EPHA7: variants seen among roughly 807,000 people sequenced by gnomAD.
The protein encoded by EPHA7 is EPH receptor A7, also known as ephrin type-A receptor 7.
A neutral mutation model predicts 112.6 loss-of-function variants in EPHA7; 25 were observed. The ratio of observed to expected loss-of-function variants is 0.22; its 90% confidence interval spans 0.16 to 0.31. EPHA7 has a LOEUF of 0.31. Among genes scored for constraint, EPHA7 ranks in the 10% least tolerant of loss-of-function variants. EPHA7 has a pLI of 1.00. For synonymous variants in EPHA7, 437 were observed against 406.5 expected (o/e 1.07, Z -0.90); for missense variants, 962 against 1,212.6 (o/e 0.79, Z 3.07).
At chr6:93,307,622 C>T (rs1447262608) in intron 5 of EPHA7, among the ~76,000 whole-genome samples, 1 of 152,080 alleles carries the variant, frequency 6.6e-6, no homozygotes, top group Non-Finnish European at 1.5e-5. Context: ...CTTAGGCTGA[C>T]TAATACAGAT....
intron 5 of EPHA7, among the ~76,000 whole-genome samples, chr6:93,291,793 T>C (rs1772394918): frequency 9.1e-6 from 1 of 109,684 alleles, no homozygotes; most frequent in Non-Finnish European, 2.0e-5. Context: ...AAAAATACTT[T>C]TCTGGAACCA....
intron 5 of EPHA7, among the ~76,000 whole-genome samples, chr6:93,346,185 C>A (rs552477191): frequency 6.6e-6 from 1 of 151,636 alleles, no homozygotes; most frequent in African/African-American, 2.4e-5. Context: ...TTACTACTGT[C>A]GTCATCATTA....
At chr6:93,358,566 CAAATG>C (rs1776077599) in intron 3 of EPHA7, among the ~76,000 whole-genome samples, 155 bp from the exon 4 acceptor site, 1 of 152,074 alleles carries the variant, frequency 6.6e-6, no homozygotes, top group South Asian at 2.1e-4. Context: ...TTTCACTAGC[CAAATG>C]TTATGATAGT....
chr6:93,312,804 C>A (rs1323945654), intron 5 of EPHA7, among the ~76,000 whole-genome samples: 5 of 152,090 alleles, frequency 3.3e-5, no homozygotes, highest in Non-Finnish European at 5.9e-5. Context: ...CTCTTTCTTG[C>A]ACTTGAACAC....
intron 9 of EPHA7, among the ~76,000 whole-genome samples, chr6:93,261,770 C>G (rs1184484650): frequency 6.6e-6 from 1 of 151,388 alleles, no homozygotes; most frequent in Non-Finnish European, 1.5e-5. Flanking sequence ...GCAAGTTTAT[C>G]TTGTCTATAT....
At position 93,272,286 on chromosome 6, in the gene EPHA7, C is replaced by G; in HGVS notation, c.1449+12G>C. ...CAGCACATTGTACATTTCAGTTGCTCTTAGCACTTACTTTCTCGTAATACT... is the reference window on the plus strand; with the variant it reads ...CAGCACATTGTACATTTCAGTTGCTGTTAGCACTTACTTTCTCGTAATACT... On this transcript the variant is annotated intron_variant, in intron 6 of 16. Coordinates refer to ENST00000369303, the MANE Select transcript of EPHA7 (RefSeq NM_004440.4). 2.5e-6 allele frequency: 4 copies of G among 1,611,102 alleles called. No individual in the cohort carries two copies. Among genetic ancestry groups the G allele is most frequent in the Non-Finnish European group, 3.4e-6 (4 of 1,177,962 alleles).
intron 5 of EPHA7, among the ~76,000 whole-genome samples, chr6:93,285,512 A>T (rs1465155988): frequency 1.3e-5 from 2 of 152,244 alleles, no homozygotes; most frequent in Non-Finnish European, 2.9e-5. Flanking sequence ...AAACTATTGT[A>T]AATTTGCACA....
intron 5 of EPHA7, among the ~76,000 whole-genome samples, chr6:93,283,616 C>G (rs1030667903): frequency 2.6e-5 from 4 of 151,808 alleles, no homozygotes; most frequent in Admixed American, 6.6e-5. Context: ...TAACACTCAC[C>G]GCGAAGGTCT....
chr6:93,255,763 G>T, intron 13 of EPHA7, 65 bp downstream of exon 13: 1 of 1,389,688 alleles, frequency 7.2e-7, no homozygotes, highest in Non-Finnish European at 1.0e-6. Flanking sequence ...ACATTATTAG[G>T]TCCTGCTTTC....
intron 3 of EPHA7, among the ~76,000 whole-genome samples, chr6:93,362,321 A>C (rs1190233439): frequency 2.0e-5 from 3 of 152,082 alleles, no homozygotes; most frequent in Non-Finnish European, 2.9e-5. Flanking sequence ...CAACACATTA[A>C]GTCATAAGAT....
At chr6:93,408,365 C>T (rs937438414) in intron 3 of EPHA7, among the ~76,000 whole-genome samples, 7 of 152,058 alleles carry the variant, frequency 4.6e-5, no homozygotes, top group South Asian at 2.1e-4. Flanking sequence ...AACAGGAACG[C>T]TGCCTTTCAT....
At chr6:93,324,943 T>G (rs1345842921) in intron 5 of EPHA7, among the ~76,000 whole-genome samples, 1 of 151,364 alleles carries the variant, frequency 6.6e-6, no homozygotes, top group Non-Finnish European at 1.5e-5. Context: ...GATTTTTCAC[T>G]CACTATTTTA....
At chr6:93,329,421 A>G (rs1034453108) in intron 5 of EPHA7, among the ~76,000 whole-genome samples, 7 of 151,444 alleles carry the variant, frequency 4.6e-5, no homozygotes, top group African/African-American at 1.7e-4. Flanking sequence ...ATGAAAATAC[A>G]ATTATCATTT....
At chr6:93,282,460 T>C (rs531715378) in intron 5 of EPHA7, among the ~76,000 whole-genome samples, 72 of 152,338 alleles carry the variant, frequency 4.7e-4, no homozygotes, top group South Asian at 2.1e-3. Flanking sequence ...TCACTGCAGA[T>C]AGTAATGAGA....
At position 93,257,479 on chromosome 6, in the gene EPHA7, G is replaced by A; in HGVS notation, c.2155C>T (p.Leu719=). ...GTACTTACCCTGAGAAATGCATCTA[G>A]GGCTCCATTTTCCATGAACTCTATT... The part of the protein sequence containing the change: ...IVIEFMENGA[L]DAFLRKHDGQ... Residue 719 remains leucine (L), a synonymous_variant, in exon 12 of 17, where the codon CTA becomes TTA. Coordinates refer to ENST00000369303, the MANE Select transcript of EPHA7 (RefSeq NM_004440.4). The A allele has an allele frequency of 6.2e-7, 1 of 1,611,084 alleles. No individual in the cohort carries two copies. Among genetic ancestry groups the A allele is most frequent in the Non-Finnish European group, 8.5e-7 (1 of 1,178,310 alleles).
intron 3 of EPHA7, among the ~76,000 whole-genome samples, chr6:93,402,733 G>A (rs1778491218): frequency 6.6e-6 from 1 of 151,684 alleles, no homozygotes; most frequent in African/African-American, 2.4e-5. Flanking sequence ...GTTATTTTTT[G>A]TTTTGCAATC....
At chr6:93,244,045 T>G (rs1435804809) in intron 16 of EPHA7, among the ~76,000 whole-genome samples, 1 of 152,170 alleles carries the variant, frequency 6.6e-6, no homozygotes, top group Non-Finnish European at 1.5e-5. Flanking sequence ...GTTATCTACT[T>G]ATTTCAGTGA....
In EPHA7 at chr6:93,279,574, C is replaced by T. The variant is rs144811364; in HGVS notation, c.1325-7152G>A. Among the ~76,000 whole-genome samples, 547 of 152,162 alleles carry T rather than the reference C, an allele frequency of 3.6e-3. 3 individuals carry two copies. Among genetic ancestry groups the T allele is most frequent in the African/African-American group, 0.011 (475 of 41,518 alleles). On this transcript the variant is annotated intron_variant, in intron 5 of 16. Transcript: ENST00000369303. ...CAAAATGTGGCAATTGTTAAAACTC[C>T]TTTAGAGGTTTTGCTTTAGAAAAGA...
chr6:93,370,168 C>T (rs1018836365), intron 3 of EPHA7, among the ~76,000 whole-genome samples: 1 of 152,142 alleles, frequency 6.6e-6, no homozygotes, highest in Non-Finnish European at 1.5e-5. Context: ...CTTCTCTGAA[C>T]ACAGGGGAGA....
Sources: gnomAD v4.1 joint callset for allele counts (sites outside exome capture counted in the v4.1 genomes callset) on GRCh38, gnomAD v4.1.1 for gene constraint, MANE v1.5 for transcripts, NCBI Gene and HGNC (gene_info 2026-07-23, HGNC 2026-07-21) for gene names.